Variants in MAP2K3 observed in about 807,000 individuals in gnomAD.
MAP2K3 encodes the protein dual specificity mitogen-activated protein kinase kinase 3.
MAP2K3 carries 30 observed loss-of-function variants against 46.4 expected under a neutral mutation model. That is an observed-to-expected ratio of 0.65 (90% CI 0.48 to 0.88). The LOEUF (loss-of-function observed/expected upper bound fraction) is 0.88. MAP2K3 is among the 40% of genes least tolerant of loss of function. The pLI is 0.00. For missense variants in MAP2K3, 380 were observed against 464.5 expected, an observed-to-expected ratio of 0.82 and a Z score of 1.67; for synonymous variants, 189 against 176.3, an observed-to-expected ratio of 1.07 and a Z score of -0.57.
intron 9 of MAP2K3, among the ~76,000 whole-genome samples, chr17:21,311,063 A>G (rs559603988): frequency 6.6e-6 from 1 of 152,282 alleles, no homozygotes; most frequent in East Asian, 1.9e-4. Flanking sequence ...ACACATGCAC[A>G]CACACGCAGT....
At chr17:21,306,416 G>T (rs72838552) in intron 9 of MAP2K3, among the ~76,000 whole-genome samples, 2 of 117,334 alleles carry the variant, frequency 1.7e-5, no homozygotes, top group African/African-American at 6.3e-5. Context: ...CAGAGCTGCC[G>T]TGCCCTCTCA....
At chr17:21,288,067 G>C (rs1452882628) in intron 1 of MAP2K3, 1 of 1,289,176 alleles carries the variant, frequency 7.8e-7, no homozygotes, top group African/African-American at 1.5e-5. Flanking sequence ...TGAGGAGAAG[G>C]CCGGGGCAGC....
intron 1 of MAP2K3, among the ~76,000 whole-genome samples, chr17:21,290,604 G>A (rs1975866261): frequency 6.6e-6 from 1 of 152,310 alleles, no homozygotes; most frequent in African/African-American, 2.4e-5. Context: ...TGAACCTGAT[G>A]TCTGTGCTAG....
rs1555546639 is a variant in MAP2K3, at chr17:21,284,748, T to TGCTGCAGTCGCCGCCGCAGTCCTC, written c.-170_-147dup. On this transcript the variant is annotated 5_prime_UTR_variant, in exon 1 of 12. Transcript: ENST00000342679. ...GCGCCGCCCGTCGCGGACTCGTCCT[T>TGCTGCAGTCGCCGCCGCAGTCCTC]GCTGCAGTCGCCGCCGCAGTCCTCG... 2.1e-5 allele frequency: 13 copies of TGCTGCAGTCGCCGCCGCAGTCCTC among 616,000 alleles called. No homozygotes were observed. The highest frequency in any genetic ancestry group is 7.1e-5 in the East Asian group (2 of 28,228). The allele number at this position is 616,000 out of a possible 1,614,324, so 38.2% of individuals were successfully genotyped here.
rs1975678442 is a variant in MAP2K3, at chr17:21,284,789, C to CAGTCCT, written c.-132_-131insAGTCCT. 10 of 1,060,666 alleles carry CAGTCCT rather than the reference C, an allele frequency of 9.4e-6. No individual in the cohort carries two copies. The East Asian group carries it at 2.6e-4, about 27-fold the overall frequency. The allele number at this position is 1,060,666 out of a possible 1,614,324, so 65.7% of individuals were successfully genotyped here. A position where few individuals can be genotyped will look rare whatever the true frequency, so the allele number is the denominator to read the frequency against. ...GCAGTCCTCGCCGCAGTCGCCGCCG[C>CAGTCCT]CGCCGCCGCCGCCGCCGCTGCTCCT... On this transcript the variant is annotated 5_prime_UTR_variant, in exon 1 of 12. Transcript: ENST00000342679.
At chr17:21,299,594 A>C (rs561137986) in intron 3 of MAP2K3, among the ~76,000 whole-genome samples, 1 of 152,040 alleles carries the variant, frequency 6.6e-6, no homozygotes, top group African/African-American at 2.4e-5. Flanking sequence ...AGGTAGGAGG[A>C]TTGCTTGAAC....
intron 1 of MAP2K3, among the ~76,000 whole-genome samples, chr17:21,294,166 G>A (rs1238932983): frequency 2.6e-5 from 4 of 152,310 alleles, no homozygotes; most frequent in African/African-American, 9.6e-5. Flanking sequence ...GTCCCTCTGA[G>A]GGACCCTGGG....
chr17:21,295,196 C>G (rs571089653), intron 1 of MAP2K3, among the ~76,000 whole-genome samples: 9 of 152,428 alleles, frequency 5.9e-5, no homozygotes, highest in Non-Finnish European at 1.2e-4. Flanking sequence ...AGGGCTCACT[C>G]AAGGGTCGGG....
In MAP2K3 at chr17:21,304,600, G is replaced by A. The variant is rs753721741; in HGVS notation, c.696+47G>A. 5 of 1,613,034 alleles carry A rather than the reference G, an allele frequency of 3.1e-6. No individual in the cohort carries two copies. In the South Asian group the frequency reaches 5.5e-5, roughly 18 times the overall value. On this transcript the variant is annotated intron_variant, in intron 8 of 11. Coordinates refer to ENST00000342679, the MANE Select transcript of MAP2K3 (RefSeq NM_145109.3). The stretch of plus-strand genomic sequence containing the variant: ...CAGGCTCAGGAGAGGATGGGGCGGG[G>A]AGAAATCTGCCCAGGCTGGCCACCC...
chr17:21,296,005 G>A (rs1167673298), intron 1 of MAP2K3: 6 of 1,274,370 alleles, frequency 4.7e-6, no homozygotes, highest in Non-Finnish European at 6.1e-6. Context: ...TTATATTCTG[G>A]TTACGAAAAG....
At chr17:21,286,160 TG>T (rs1975716742) in intron 1 of MAP2K3, among the ~76,000 whole-genome samples, 1 of 152,236 alleles carries the variant, frequency 6.6e-6, no homozygotes, top group African/African-American at 2.4e-5. Context: ...TAAAGAGCTC[TG>T]AGGCGTTCTC....
At chr17:21,302,955 C>T (rs1976688664) in intron 6 of MAP2K3, among the ~76,000 whole-genome samples, 1 of 152,300 alleles carries the variant, frequency 6.6e-6, no homozygotes, top group Non-Finnish European at 1.5e-5. Context: ...GGAGGTGAGC[C>T]CGGGAGGATG....
intron 1 of MAP2K3, 54 bp downstream of exon 1, chr17:21,285,023 G>C (rs1047395424): frequency 3.5e-5 from 55 of 1,576,168 alleles, no homozygotes; most frequent in Non-Finnish European, 4.7e-5. Flanking sequence ...TCTGGGGCCG[G>C]GCTGCAAACC....
intron 1 of MAP2K3, among the ~76,000 whole-genome samples, chr17:21,289,186 C>G (rs1373350978): frequency 6.6e-6 from 1 of 152,228 alleles, no homozygotes; most frequent in African/African-American, 2.4e-5. Context: ...TCTTAACCCA[C>G]TGGTCCCCAA....
intron 5 of MAP2K3, among the ~76,000 whole-genome samples, chr17:21,301,430 A>G (rs1162737856): frequency 6.6e-6 from 1 of 152,306 alleles, no homozygotes; most frequent in East Asian, 1.9e-4. Context: ...CTGAGGCTGG[A>G]AGAGTGGAGC....
intron 1 of MAP2K3, among the ~76,000 whole-genome samples, chr17:21,285,943 G>A (rs1211175073): frequency 1.3e-5 from 2 of 151,980 alleles, no homozygotes; most frequent in South Asian, 4.2e-4. Context: ...TTGGTGCGTC[G>A]GAGTTTCAGT....
intron 1 of MAP2K3, chr17:21,285,388 C>A: frequency 1.6e-6 from 1 of 616,522 alleles, no homozygotes; most frequent in Non-Finnish European, 2.0e-6. Context: ...TTTCTAGCTT[C>A]GGGTCCCAGG....
intron 9 of MAP2K3, among the ~76,000 whole-genome samples, chr17:21,308,100 C>T (rs199557930): frequency 8.0e-5 from 12 of 150,542 alleles, no homozygotes; most frequent in African/African-American, 2.7e-4. Context: ...AGGTGATCTG[C>T]CTGCCTCTGC....
intron 1 of MAP2K3, among the ~76,000 whole-genome samples, chr17:21,294,125 C>T (rs534111530): frequency 6.6e-6 from 1 of 152,430 alleles, no homozygotes; most frequent in East Asian, 1.9e-4. Context: ...TCAGTTTCCC[C>T]CGTGCCATGG....
Sources: allele counts gnomAD v4.1 joint callset (sites outside exome capture counted in the v4.1 genomes callset), GRCh38; gene constraint gnomAD v4.1.1; transcripts MANE v1.5; gene names NCBI Gene and HGNC (gene_info 2026-07-23, HGNC 2026-07-21).